Variants in SLC4A10 observed in about 807,000 individuals in gnomAD.
The protein encoded by SLC4A10 is solute carrier family 4 member 10.
In SLC4A10, 42 loss-of-function variants were observed where a neutral mutation model predicts 137.7. The ratio of observed to expected loss-of-function variants is 0.30; its 90% CI spans 0.24 to 0.39. SLC4A10 has a LOEUF of 0.39. Among genes scored for constraint, SLC4A10 ranks in the 10% least tolerant of loss-of-function variants. SLC4A10 has a pLI of 1.00. For synonymous variants in SLC4A10, 474 were observed against 464.1 expected, an observed-to-expected ratio of 1.02 and a Z score of -0.27; for missense variants, 925 against 1,355.0, an observed-to-expected ratio of 0.68 and a Z score of 4.98.
intron 2 of SLC4A10, among the ~76,000 whole-genome samples, chr2:161,790,886 T>G (rs1298635947): frequency 6.6e-6 from 1 of 152,062 alleles, no homozygotes; most frequent in African/African-American, 2.4e-5. Context: ...TCACTAATCA[T>G]TAGAGAAATG....
At chr2:161,749,147 T>C (rs980443752) in intron 1 of SLC4A10, among the ~76,000 whole-genome samples, 1 of 152,034 alleles carries the variant, frequency 6.6e-6, no homozygotes, top group Admixed American at 6.6e-5. Context: ...ACTTTACTGA[T>C]TTCATTTAGT....
intron 2 of SLC4A10, among the ~76,000 whole-genome samples, chr2:161,780,009 C>T (rs979125333): frequency 1.3e-5 from 2 of 151,978 alleles, no homozygotes; most frequent in Non-Finnish European, 2.9e-5. Context: ...CACACTGCTA[C>T]TCAGTGTACT....
intron 3 of SLC4A10, among the ~76,000 whole-genome samples, chr2:161,812,494 A>G (rs1027375351): frequency 6.6e-6 from 1 of 151,556 alleles, no homozygotes. Flanking sequence ...AGTATAGTCA[A>G]TTTTACAACC....
At chr2:161,644,713 A>G (rs1488627637) in intron 1 of SLC4A10, among the ~76,000 whole-genome samples, 1 of 152,184 alleles carries the variant, frequency 6.6e-6, no homozygotes, top group Non-Finnish European at 1.5e-5. Context: ...AAACTAAGAC[A>G]TTAATAACCT....
intron 1 of SLC4A10, among the ~76,000 whole-genome samples, chr2:161,731,821 T>C (rs1273600285): frequency 6.6e-6 from 1 of 152,194 alleles, no homozygotes; most frequent in East Asian, 1.9e-4. Flanking sequence ...TCTGGGCTGT[T>C]TTCCTGTCAA....
chr2:161,626,519 A>C (rs1481875434), intron 1 of SLC4A10, among the ~76,000 whole-genome samples: 1 of 152,172 alleles, frequency 6.6e-6, no homozygotes, highest in East Asian at 1.9e-4. Flanking sequence ...GAATCATATT[A>C]GCAGATCATC....
intron 1 of SLC4A10, among the ~76,000 whole-genome samples, chr2:161,721,295 A>T (rs190651967): frequency 3.6e-4 from 55 of 152,234 alleles, no homozygotes; most frequent in African/African-American, 1.3e-3. Flanking sequence ...TGTGTACTTC[A>T]GTGTGTTTTT....
chr2:161,875,790 G>A (rs1662216197), intron 8 of SLC4A10, among the ~76,000 whole-genome samples: 1 of 152,132 alleles, frequency 6.6e-6, no homozygotes, highest in African/African-American at 2.4e-5. Context: ...GGAAACCTTA[G>A]ACATCTCCTC....
At chr2:161,859,884 G>A (rs891904570) in intron 5 of SLC4A10, among the ~76,000 whole-genome samples, 12 of 152,276 alleles carry the variant, frequency 7.9e-5, no homozygotes, top group Admixed American at 4.6e-4. Context: ...ACAGGCGTGA[G>A]CCACCGCGCC....
At chr2:161,699,651 A>G (rs1441554758) in intron 1 of SLC4A10, among the ~76,000 whole-genome samples, 1 of 152,172 alleles carries the variant, frequency 6.6e-6, no homozygotes, top group Non-Finnish European at 1.5e-5. Context: ...GAAAGTGAAA[A>G]TGTTTCAGAG....
chr2:161,876,548 C>T (rs986113917), intron 8 of SLC4A10, among the ~76,000 whole-genome samples: 3 of 151,832 alleles, frequency 2.0e-5, no homozygotes, highest in South Asian at 2.1e-4. Context: ...GGCATGGTGG[C>T]GCACCTGTAG....
At chr2:161,678,598 A>T (rs2040514981) in intron 1 of SLC4A10, among the ~76,000 whole-genome samples, 1 of 152,152 alleles carries the variant, frequency 6.6e-6, no homozygotes, top group Non-Finnish European at 1.5e-5. Context: ...AATACCAGAG[A>T]AGACTCCTCC....
At chr2:161,678,498 A>T (rs2040502214) in intron 1 of SLC4A10, among the ~76,000 whole-genome samples, 1 of 152,198 alleles carries the variant, frequency 6.6e-6, no homozygotes, top group Non-Finnish European at 1.5e-5. Flanking sequence ...TACATACAAT[A>T]AGTCGCATTA....
At position 161,821,168 on chromosome 2, in the gene SLC4A10, T is replaced by G. The variant is rs2057587000; in HGVS notation, c.277+16573T>G. Among the ~76,000 whole-genome samples, 3 of 152,198 alleles carry G rather than the reference T, an allele frequency of 2.0e-5. No homozygotes were observed. In the East Asian group the frequency reaches 5.8e-4, roughly 29 times the overall value. ...TTTACATGTTATGGAAATAAGTCCTTTGTTAGTTTTATGTGTTTTAAATAT... is the reference window on the plus strand; with the variant it reads ...TTTACATGTTATGGAAATAAGTCCTGTGTTAGTTTTATGTGTTTTAAATAT... On this transcript the variant is annotated intron_variant, in intron 3 of 26. Transcript: ENST00000446997.
At chr2:161,876,897 A>G (rs1045919882) in intron 8 of SLC4A10, among the ~76,000 whole-genome samples, 2 of 152,078 alleles carry the variant, frequency 1.3e-5, no homozygotes, top group Non-Finnish European at 2.9e-5. Flanking sequence ...TGAGTATAAT[A>G]CAATGGCTAC....
intron 11 of SLC4A10, among the ~76,000 whole-genome samples, chr2:161,898,045 A>G (rs2063699365): frequency 6.6e-6 from 1 of 152,140 alleles, no homozygotes; most frequent in African/African-American, 2.4e-5. Flanking sequence ...GATTCTGGGT[A>G]TTGAGAGGCA....
intron 1 of SLC4A10, among the ~76,000 whole-genome samples, chr2:161,752,373 T>C (rs1574766798): frequency 6.6e-6 from 1 of 152,098 alleles, no homozygotes. Context: ...TAAAAAGCCT[T>C]GCCATATCCT....
intron 1 of SLC4A10, among the ~76,000 whole-genome samples, chr2:161,760,284 A>T (rs1035410600): frequency 2.0e-5 from 3 of 151,720 alleles, no homozygotes; most frequent in Non-Finnish European, 4.4e-5. Flanking sequence ...ATTTCTTTAG[A>T]TCTTTTTCCT....
At chr2:161,686,263 TTGTTA>T (rs1250075772) in intron 1 of SLC4A10, among the ~76,000 whole-genome samples, 1 of 152,196 alleles carries the variant, frequency 6.6e-6, no homozygotes, top group Non-Finnish European at 1.5e-5. Context: ...TAAAAGCACA[TTGTTA>T]TGTTCTTATG....
Sources: allele counts gnomAD v4.1 joint callset (sites outside exome capture counted in the v4.1 genomes callset), GRCh38; gene constraint gnomAD v4.1.1; transcripts MANE v1.5; gene names NCBI Gene and HGNC (gene_info 2026-07-23, HGNC 2026-07-21).